HLA-DPA1: variants seen among roughly 807,000 people sequenced by gnomAD.
HLA-DPA1 encodes the protein major histocompatibility complex, class II, DP alpha 1.
A neutral mutation model predicts 21.5 loss-of-function variants in HLA-DPA1; 20 were observed. The observed-to-expected ratio is 0.93, with a 90% CI of 0.66 to 1.35. The LOEUF (loss-of-function observed/expected upper bound fraction) is 1.35. HLA-DPA1 is among the 40% of genes most tolerant of loss of function. HLA-DPA1 has a pLI of 0.00. For missense variants in HLA-DPA1, 279 were observed against 323.0 expected (o/e 0.86, Z 1.05); for synonymous variants, 123 against 129.6 (o/e 0.95, Z 0.35).
At chr6:33,068,868 T>C in intron 4 of HLA-DPA1, 64 bp from the exon 4 acceptor site, 2 of 1,575,622 alleles carry the variant, frequency 1.3e-6, no homozygotes, top group East Asian at 2.3e-5. Flanking sequence ...CCTGGGATGG[T>C]TGTGGGAATT....
intron 1 of HLA-DPA1, among the ~76,000 whole-genome samples, chr6:33,078,550 G>C (rs1228508230): frequency 6.6e-6 from 1 of 152,132 alleles, no homozygotes; most frequent in Non-Finnish European, 1.5e-5. Context: ...AATTCATTCA[G>C]ATCAGTGGTT....
At chr6:33,079,230 C>G (rs1248920108) in intron 1 of HLA-DPA1, among the ~76,000 whole-genome samples, 1 of 152,162 alleles carries the variant, frequency 6.6e-6, no homozygotes, top group Non-Finnish European at 1.5e-5. Context: ...CCCAGTGTGC[C>G]CAAGAACAGA....
rs1236830146 is a variant in HLA-DPA1, at chr6:33,080,030, AG to A, written c.-100+649del. Among the ~76,000 whole-genome samples, 1 of 152,220 alleles carries A rather than the reference AG, an allele frequency of 6.6e-6. No individual in the cohort carries two copies. Among genetic ancestry groups the A allele is most frequent in the Non-Finnish European group, 1.5e-5 (1 of 68,036 alleles). On this transcript the variant is annotated intron_variant, in intron 1 of 5. Transcript: ENST00000419277. The surrounding 1 kb of genome is among the most constrained non-coding windows in gnomAD (Gnocchi z 4.3). ...ATCTTTTGACACCAAGTCTTTCTGCAGCCATGTTTGAAAATTAACTTTCAGG... is the reference window on the plus strand; with the variant it reads ...ATCTTTTGACACCAAGTCTTTCTGCACCATGTTTGAAAATTAACTTTCAGG...
At chr6:33,068,562 G>T in intron 5 of HLA-DPA1, 76 bp downstream of exon 4, 1 of 1,197,132 alleles carries the variant, frequency 8.4e-7, no homozygotes, top group Middle Eastern at 2.0e-4. Flanking sequence ...GAAGATCAAT[G>T]AACACTTATC....
At chr6:33,068,549 T>G in intron 5 of HLA-DPA1, 89 bp downstream of exon 4, 2 of 1,062,654 alleles carry the variant, frequency 1.9e-6, no homozygotes, top group Non-Finnish European at 2.8e-6. Context: ...TTTTAACCCA[T>G]TAGAAGATCA....
intron 2 of HLA-DPA1, among the ~76,000 whole-genome samples, chr6:33,073,268 A>G (rs1204848480): frequency 6.6e-6 from 1 of 152,216 alleles, no homozygotes; most frequent in East Asian, 1.9e-4. Context: ...TTCCTGTGAG[A>G]TGTAAATGGG....
At position 33,071,117 on chromosome 6, in the gene HLA-DPA1, TGG is replaced by T. The variant is rs1762257378; in HGVS notation, c.101-1233_101-1232del. Among the ~76,000 whole-genome samples the T allele has an allele frequency of 3.0e-5, 4 of 135,158 alleles. No individual in the cohort carries two copies. The South Asian group carries it at 9.5e-4, about 32-fold the overall frequency. 88.7% of individuals were successfully genotyped at this position (135,158 alleles called of 152,430 possible). A position where few individuals can be genotyped will look rare whatever the true frequency, so the allele number is the denominator to read the frequency against. On this transcript the variant is annotated intron_variant, in intron 2 of 5. Coordinates refer to ENST00000419277, the Ensembl canonical transcript of HLA-DPA1. Reference sequence around the variant, plus strand: ...CCTGTGAGTTTTCAGCCCTGACATGTGGGGACCCAGTCTGTGCTTGGCCACTT... The same window carrying T: ...CCTGTGAGTTTTCAGCCCTGACATGTGGACCCAGTCTGTGCTTGGCCACTT...
rs1213507119 is a variant in HLA-DPA1 at position 33,080,182 on chromosome 6, C to T, written c.-100+498G>A. Among the ~76,000 whole-genome samples the T allele has an allele frequency of 1.3e-5, 2 of 152,100 alleles. No individual in the cohort carries two copies. Among genetic ancestry groups the T allele is most frequent in the African/African-American group, 2.4e-5 (1 of 41,396 alleles). On this transcript the variant is annotated intron_variant, in intron 1 of 5. Transcript: ENST00000419277. This position sits in a 1 kb window ranked among gnomAD's most constrained non-coding sequence, Gnocchi z 4.3. ...AGAAACTGGTCGAGAAGAGAGAGCG[C>T]TTAGCTATGGAAAAGAGAAAGAAGG... is the stretch of plus-strand genomic sequence containing the variant.
At chr6:33,068,440 A>T (rs974526941) in intron 5 of HLA-DPA1, 198 bp downstream of exon 4, 1 of 516,634 alleles carries the variant, frequency 1.9e-6, no homozygotes, top group Non-Finnish European at 3.5e-6. Flanking sequence ...TATGTGTGAG[A>T]ATAAAGTGAG....
chr6:33,076,563 GCT>G (rs1389431135), intron 1 of HLA-DPA1, among the ~76,000 whole-genome samples: 2 of 152,162 alleles, frequency 1.3e-5, no homozygotes, highest in Non-Finnish European at 2.9e-5. Flanking sequence ...AGGATTCAGT[GCT>G]CACGAAGAAT....
intron 2 of HLA-DPA1, 176 bp downstream of exon 1, chr6:33,073,295 G>C (rs1443006048): frequency 7.2e-6 from 4 of 552,248 alleles, no homozygotes; most frequent in South Asian, 2.6e-5. Flanking sequence ...AACTATGCAG[G>C]AGTCTCATAA....
At chr6:33,075,045 G>A (rs1762470186) in intron 1 of HLA-DPA1, among the ~76,000 whole-genome samples, 1 of 152,152 alleles carries the variant, frequency 6.6e-6, no homozygotes, top group African/African-American at 2.4e-5. Context: ...ATTTATAAGT[G>A]TCTAAAGTAA....
intron 2 of HLA-DPA1, among the ~76,000 whole-genome samples, chr6:33,073,137 C>G (rs1200410177): frequency 2.0e-5 from 3 of 152,172 alleles, no homozygotes; most frequent in African/African-American, 7.2e-5. Context: ...AAACTTGGCT[C>G]GTTGATCTGC....
At chr6:33,069,975 A>C in intron 2 of HLA-DPA1, 89 bp from the exon 2 acceptor site, 1 of 1,245,484 alleles carries the variant, frequency 8.0e-7, no homozygotes, top group Non-Finnish European at 1.1e-6. Flanking sequence ...AGACTTATGA[A>C]TATAAAAAGG....
chr6:33,080,336 T>A lies in HLA-DPA1; in HGVS notation c.-100+344A>T. The A allele has an allele frequency of 4.0e-6, 2 of 504,422 alleles. No individual in the cohort carries two copies. The highest frequency in any genetic ancestry group is 3.3e-5 in the South Asian group (2 of 61,102). 31.2% of individuals were successfully genotyped at this position (504,422 alleles called of 1,614,324 possible). On this transcript the variant is annotated intron_variant, in intron 1 of 5. Coordinates refer to ENST00000419277, the Ensembl canonical transcript of HLA-DPA1. This position sits in a 1 kb window ranked among gnomAD's most constrained non-coding sequence, Gnocchi z 4.3. ...TCCCCAGCTCCTCCCGCCCCTGTTT[T>A]TTCTCCCAGTGACCCCACGTGAAAC...
intron 5 of HLA-DPA1, 161 bp downstream of exon 4, chr6:33,068,477 C>T (rs3180552): frequency 0.011 from 6,492 of 590,580 alleles, 327 homozygotes; most frequent in African/African-American, 0.1. Flanking sequence ...CTCAGAATAG[C>T]GCCTGACCAT....
At chr6:33,078,195 A>C (rs1410507159) in intron 1 of HLA-DPA1, among the ~76,000 whole-genome samples, 1 of 152,134 alleles carries the variant, frequency 6.6e-6, no homozygotes, top group African/African-American at 2.4e-5. Flanking sequence ...GGACGGGCAA[A>C]GGCTGGGTTG....
exon 4 of HLA-DPA1, chr6:33,069,209 T>C (rs1156324025): frequency 1.2e-6 from 2 of 1,612,810 alleles, no homozygotes; most frequent in African/African-American, 2.7e-5. Flanking sequence ...CGTTGAGCAC[T>C]GGTGGGAAGA....
rs1762382905 is a variant in HLA-DPA1 at position 33,073,451 on chromosome 6, G to C, written c.100+20C>G. 4 of 1,545,570 alleles carry C rather than the reference G, an allele frequency of 2.6e-6. No homozygotes were observed. In the African/African-American group the frequency reaches 4.1e-5, roughly 16 times the overall value. On this transcript the variant is annotated intron_variant, in intron 2 of 5. Transcript: ENST00000419277. ...CCCCATCACTCACCCCGACGCTCCT[G>C]CGTCCTCCTGAGCACTCACCCTTGA...
Sources: gnomAD v4.1 joint callset for allele counts (sites outside exome capture counted in the v4.1 genomes callset) on GRCh38, gnomAD v4.1.1 for gene constraint, Gnocchi (gnomAD v3.1) non-coding constraint, MANE v1.5 for transcripts, NCBI Gene and HGNC (gene_info 2026-07-23, HGNC 2026-07-21) for gene names.